ZMYM4: variants seen among roughly 807,000 people sequenced by gnomAD.
The protein encoded by ZMYM4 is zinc finger MYM-type containing 4, also known as zinc finger MYM-type protein 4.
In ZMYM4, 31 loss-of-function variants were observed where a neutral mutation model predicts 183.2. The ratio of observed to expected loss-of-function variants is 0.17; its 90% CI spans 0.13 to 0.23. The LOEUF (loss-of-function observed/expected upper bound fraction) is 0.23. Among genes scored for constraint, ZMYM4 ranks in the 10% least tolerant of loss-of-function variants. The pLI is 1.00. For synonymous variants in ZMYM4, 592 were observed against 631.2 expected, an observed-to-expected ratio of 0.94 and a Z score of 0.93; for missense variants, 1,273 against 1,840.3, an observed-to-expected ratio of 0.69 and a Z score of 5.64.
At chr1:35,418,062 A>T (rs537639785) in intron 28 of ZMYM4, among the ~76,000 whole-genome samples, 5 of 152,126 alleles carry the variant, frequency 3.3e-5, no homozygotes, top group African/African-American at 1.2e-4. Flanking sequence ...GTAGGAGAAA[A>T]ACATGTGGAA....
intron 15 of ZMYM4, 121 bp from the exon 16 acceptor site, chr1:35,392,091 A>G (rs553063983): frequency 5.4e-6 from 7 of 1,300,240 alleles, no homozygotes; most frequent in Non-Finnish European, 7.5e-6. Flanking sequence ...TCCTAAAGTG[A>G]CTTTTTGCTC....
At chr1:35,304,857 T>C (rs1641458791) in intron 1 of ZMYM4, among the ~76,000 whole-genome samples, 1 of 151,736 alleles carries the variant, frequency 6.6e-6, no homozygotes, top group Non-Finnish European at 1.5e-5. Flanking sequence ...TTATTTTTTA[T>C]TATTTTTTAG....
rs184141350 is a variant in ZMYM4, at chr1:35,323,122, C to T, written c.40-2238C>T. On this transcript the variant is annotated intron_variant, in intron 1 of 29. Coordinates refer to ENST00000314607, the MANE Select transcript of ZMYM4 (RefSeq NM_005095.3). ...TCAAGTGATTCTCCTGCCTCGCAGC[C>T]TCCCAAGTAGCTGGGATTACAGGTG... 2.7e-4 allele frequency among the ~76,000 whole-genome samples: 41 copies of T among 152,212 alleles called. 1 individual carries two copies. The highest frequency in any genetic ancestry group is 2.4e-3 in the Admixed American group (36 of 15,294).
chr1:35,331,663 T>G (rs1642752282), intron 2 of ZMYM4, among the ~76,000 whole-genome samples: 1 of 152,086 alleles, frequency 6.6e-6, no homozygotes, highest in East Asian at 1.9e-4. Context: ...GGCGGGCACC[T>G]GTAATCCCAG....
At chr1:35,308,456 A>G (rs1461960661) in intron 1 of ZMYM4, among the ~76,000 whole-genome samples, 1 of 152,204 alleles carries the variant, frequency 6.6e-6, no homozygotes, top group African/African-American at 2.4e-5. Context: ...TTTTAGGCCC[A>G]ATCTCTCATA....
intron 1 of ZMYM4, among the ~76,000 whole-genome samples, chr1:35,298,092 G>A (rs1641105244): frequency 6.6e-6 from 1 of 152,246 alleles, no homozygotes; most frequent in South Asian, 2.1e-4. Context: ...CAGCCCACCA[G>A]CTTCAAGGCT....
intron 28 of ZMYM4, among the ~76,000 whole-genome samples, chr1:35,416,827 G>C (rs1640134672): frequency 6.6e-6 from 1 of 152,172 alleles, no homozygotes; most frequent in Admixed American, 6.5e-5. Context: ...GCCTCTCAAA[G>C]TGCTGGGATT....
At position 35,421,873 on chromosome 1, in the gene ZMYM4, C is replaced by T. The variant is rs991580754; in HGVS notation, c.*2196C>T. The T allele has an allele frequency of 6.6e-6, 1 of 151,920 alleles. No homozygotes were observed. Among genetic ancestry groups the T allele is most frequent in the African/African-American group, 2.4e-5 (1 of 41,348 alleles). 9.4% of individuals were successfully genotyped at this position (151,920 alleles called of 1,614,324 possible). ...TTTTTGTTCTTTTTCAGTTTTTAAC[C>T]ACTTTTAGGTTTTCCCCTTACAGAA... On this transcript the variant is annotated 3_prime_UTR_variant, in exon 30 of 30. Coordinates refer to ENST00000314607, the MANE Select transcript of ZMYM4 (RefSeq NM_005095.3).
Position 35,415,675 on chromosome 1 carries a change from A to AGGT in ZMYM4, c.4271_4273dup (p.Arg1424_Phe1425insTrp). On this transcript the variant is annotated inframe_insertion, in exon 28 of 30. Coordinates refer to ENST00000314607, the MANE Select transcript of ZMYM4 (RefSeq NM_005095.3). The stretch of plus-strand genomic sequence containing the variant: ...GTACAGTACCAAGATGACATATCTG[A>AGGT]GGTTCTTCCCACCTTTACAGAAGCA... 6.2e-7 allele frequency: 1 copy of AGGT among 1,613,916 alleles called. No homozygotes were observed. The highest frequency in any genetic ancestry group is 8.5e-7 in the Non-Finnish European group (1 of 1,180,024).
chr1:35,334,294 G>C (rs1270257066), intron 2 of ZMYM4, among the ~76,000 whole-genome samples: 5 of 152,090 alleles, frequency 3.3e-5, no homozygotes, highest in Non-Finnish European at 4.4e-5. Flanking sequence ...ACGCCAGCCT[G>C]GGTGACAGAA....
At chr1:35,348,912 C>T (rs1287207076) in intron 2 of ZMYM4, among the ~76,000 whole-genome samples, 1 of 152,198 alleles carries the variant, frequency 6.6e-6, no homozygotes, top group Non-Finnish European at 1.5e-5. Flanking sequence ...CATGGATGTG[C>T]AAGTGTCTTT....
Position 35,387,000 on chromosome 1 carries a change from C to T in ZMYM4, c.1837-3C>T, listed in dbSNP as rs1316267663. Reference sequence around the variant, plus strand: ...GATACTTTTTGTTGTTTTGTTTTTCCAGAATTTATTCAACAAACCAACTGG... The same window carrying T: ...GATACTTTTTGTTGTTTTGTTTTTCTAGAATTTATTCAACAAACCAACTGG... On this transcript the variant is annotated splice_region_variant and splice_polypyrimidine_tract_variant and intron_variant, in intron 11 of 29. Transcript: ENST00000314607. 5.6e-6 allele frequency: 9 copies of T among 1,610,024 alleles called. No homozygotes were observed. The highest frequency in any genetic ancestry group is 7.6e-6 in the Non-Finnish European group (9 of 1,177,096).
chr1:35,353,187 T>C (rs1164459777), intron 2 of ZMYM4, among the ~76,000 whole-genome samples: 1 of 152,214 alleles, frequency 6.6e-6, no homozygotes, highest in Non-Finnish European at 1.5e-5. Context: ...CTGACTACTG[T>C]TCTTCACATC....
intron 7 of ZMYM4, among the ~76,000 whole-genome samples, chr1:35,374,366 T>A (rs1188566107): frequency 6.6e-6 from 1 of 152,184 alleles, no homozygotes; most frequent in African/African-American, 2.4e-5. Flanking sequence ...TAAATCAGTT[T>A]GAAGATTTTA....
chr1:35,352,096 A>G (rs1036265069), intron 2 of ZMYM4, among the ~76,000 whole-genome samples: 2 of 152,140 alleles, frequency 1.3e-5, no homozygotes, highest in African/African-American at 4.8e-5. Context: ...AAAAATTCTT[A>G]TAAAAAACCA....
chr1:35,404,937 G>C, intron 23 of ZMYM4, 86 bp from the exon 24 acceptor site: 1 of 1,351,314 alleles, frequency 7.4e-7, no homozygotes, highest in Non-Finnish European at 1.0e-6. Flanking sequence ...TTCTACAAAT[G>C]TATACCCTTT....
intron 2 of ZMYM4, among the ~76,000 whole-genome samples, chr1:35,328,195 G>A (rs1642585789): frequency 6.6e-6 from 1 of 152,122 alleles, no homozygotes; most frequent in South Asian, 2.1e-4. Flanking sequence ...AACATTTGGG[G>A]TTTGTGTTTC....
chr1:35,323,790 A>G (rs1642391678), intron 1 of ZMYM4, among the ~76,000 whole-genome samples: 1 of 150,812 alleles, frequency 6.6e-6, no homozygotes. Flanking sequence ...TCCTGACCTC[A>G]TGATCCACCC....
intron 1 of ZMYM4, among the ~76,000 whole-genome samples, chr1:35,287,655 G>C (rs1444724728): frequency 6.6e-6 from 1 of 151,754 alleles, no homozygotes; most frequent in Non-Finnish European, 1.5e-5. Flanking sequence ...ACCCAGGCTG[G>C]AATGCAGTGA....
Sources: allele counts gnomAD v4.1 joint callset (sites outside exome capture counted in the v4.1 genomes callset), GRCh38; gene constraint gnomAD v4.1.1; transcripts MANE v1.5; gene names NCBI Gene and HGNC (gene_info 2026-07-23, HGNC 2026-07-21).